The following UNC5C variants were observed in gnomAD, a reference collection of about 807,000 sequenced individuals.
UNC5C encodes unc-5 netrin receptor C.
Under a neutral mutation model 99.8 loss-of-function variants are expected in UNC5C, and 47 were observed. The observed-to-expected ratio is 0.47, with a 90% CI of 0.37 to 0.60. UNC5C has a LOEUF of 0.60. Among genes scored for constraint, UNC5C ranks in the 20% least tolerant of loss-of-function variants. The pLI is 0.00. For synonymous variants in UNC5C, 487 were observed against 452.2 expected (o/e 1.08, Z -0.98); for missense variants, 1,062 against 1,165.9 (o/e 0.91, Z 1.30).
intron 1 of UNC5C, among the ~76,000 whole-genome samples, chr4:95,453,402 A>T (rs191535338): frequency 1.6e-3 from 240 of 152,248 alleles, no homozygotes; most frequent in African/African-American, 5.5e-3. Flanking sequence ...CAATAAGTAT[A>T]TTCTGGAGCC....
chr4:95,264,445 G>A (rs1026330662), intron 4 of UNC5C, among the ~76,000 whole-genome samples: 3 of 152,088 alleles, frequency 2.0e-5, no homozygotes, highest in Admixed American at 2.0e-4. Context: ...CTGAGCAGAT[G>A]GCATATGTCT....
intron 1 of UNC5C, among the ~76,000 whole-genome samples, chr4:95,544,778 TG>T (rs1180413997): frequency 6.6e-6 from 1 of 152,226 alleles, no homozygotes. Context: ...TAAAAAAATA[TG>T]TAGGCTAAAA....
At chr4:95,424,447 G>GT (rs1261921439) in intron 1 of UNC5C, among the ~76,000 whole-genome samples, 5 of 146,788 alleles carry the variant, frequency 3.4e-5, no homozygotes, top group Non-Finnish European at 6.0e-5. Flanking sequence ...CAGCAACATT[G>GT]TAAGTACGGT....
At chr4:95,389,250 A>G (rs1745290443) in intron 1 of UNC5C, among the ~76,000 whole-genome samples, 1 of 152,198 alleles carries the variant, frequency 6.6e-6, no homozygotes, top group South Asian at 2.1e-4. Flanking sequence ...TAACAATCAC[A>G]GTTAAGGCAA....
chr4:95,541,844 T>C (rs1722929618), intron 1 of UNC5C, among the ~76,000 whole-genome samples: 2 of 152,168 alleles, frequency 1.3e-5, no homozygotes, highest in South Asian at 2.1e-4. Context: ...AAACAATAAA[T>C]AAGAATAGAG....
rs1553965986 is a variant in UNC5C, at chr4:95,354,468, C to CATATATATATATAT, written c.125-18838_125-18837insATATATATATATAT. On this transcript the variant is annotated intron_variant, in intron 1 of 15. Coordinates refer to ENST00000453304, the MANE Select transcript of UNC5C (RefSeq NM_003728.4). Reference sequence around the variant, plus strand: ...TCTATCGTATTTTACCTAACTCTTCCATATATATATATTTTTTTTTTTTTT... The same window carrying CATATATATATATAT: ...TCTATCGTATTTTACCTAACTCTTCCATATATATATATATATATATATATATTTTTTTTTTTTTT... Among the ~76,000 whole-genome samples, 180 of 98,216 alleles carry CATATATATATATAT rather than the reference C, an allele frequency of 1.8e-3. 1 individual carries two copies. The highest frequency in any genetic ancestry group is 5.4e-3 in the Admixed American group (55 of 10,160). The allele number at this position is 98,216 out of a possible 152,430, so 64.4% of individuals were successfully genotyped here.
chr4:95,304,135 T>C (rs540112673), intron 2 of UNC5C, among the ~76,000 whole-genome samples: 2 of 152,206 alleles, frequency 1.3e-5, no homozygotes, highest in African/African-American at 4.8e-5. Flanking sequence ...ACTAGCTAAA[T>C]GGTAATGAAG....
At chr4:95,401,521 G>T (rs965780096) in intron 1 of UNC5C, among the ~76,000 whole-genome samples, 1 of 152,028 alleles carries the variant, frequency 6.6e-6, no homozygotes, top group East Asian at 1.9e-4. Flanking sequence ...TGCCCAGGTT[G>T]GTCTTGAACT....
chr4:95,442,873 G>A lies in UNC5C; in HGVS notation c.124+105861C>T, dbSNP rs915854526. Among the ~76,000 whole-genome samples the A allele has an allele frequency of 4.7e-4, 71 of 152,066 alleles. 1 individual carries two copies. Among genetic ancestry groups the A allele is most frequent in the African/African-American group, 1.7e-3 (70 of 41,444 alleles). ...ACATATTCATGCAAATATATGCTAT[G>A]TATGTATGTATAGCTTCTTCTTGTA... On this transcript the variant is annotated intron_variant, in intron 1 of 15. Transcript: ENST00000453304.
chr4:95,288,313 G>T (rs947460925), intron 3 of UNC5C, among the ~76,000 whole-genome samples: 1 of 151,914 alleles, frequency 6.6e-6, no homozygotes, highest in African/African-American at 2.4e-5. Flanking sequence ...TTGATCTCCT[G>T]ACCTTGTGAT....
intron 4 of UNC5C, among the ~76,000 whole-genome samples, chr4:95,271,711 A>G (rs1430654974): frequency 6.6e-6 from 1 of 152,134 alleles, no homozygotes; most frequent in Non-Finnish European, 1.5e-5. Flanking sequence ...TCTAAAATCT[A>G]TTTTCCATGC....
At chr4:95,190,261 G>C (rs996124470) in intron 12 of UNC5C, among the ~76,000 whole-genome samples, 2 of 145,238 alleles carry the variant, frequency 1.4e-5, no homozygotes, top group African/African-American at 5.1e-5. Context: ...AACACCACAT[G>C]TTCTCACTCA....
intron 14 of UNC5C, among the ~76,000 whole-genome samples, chr4:95,174,526 G>T (rs1199642724): frequency 6.6e-6 from 1 of 152,140 alleles, no homozygotes. Context: ...GGAGCAGGTT[G>T]TTCAGTTTCT....
chr4:95,476,862 G>C (rs1748165850), intron 1 of UNC5C, among the ~76,000 whole-genome samples: 1 of 151,994 alleles, frequency 6.6e-6, no homozygotes, highest in Non-Finnish European at 1.5e-5. Flanking sequence ...TAATTCTTCA[G>C]TCACTCATGA....
At chr4:95,195,222 C>T (rs1328311903) in intron 12 of UNC5C, among the ~76,000 whole-genome samples, 1 of 152,152 alleles carries the variant, frequency 6.6e-6, no homozygotes, top group East Asian at 1.9e-4. Flanking sequence ...AAATTACTGT[C>T]CTAAGAGGTC....
chr4:95,365,360 T>C (rs1458124067), intron 1 of UNC5C, among the ~76,000 whole-genome samples: 1 of 147,502 alleles, frequency 6.8e-6, no homozygotes, highest in African/African-American at 2.5e-5. Context: ...TAAAAAATTA[T>C]ATAACATTTA....
chr4:95,452,893 C>G (rs1053836010), intron 1 of UNC5C, among the ~76,000 whole-genome samples: 2 of 152,144 alleles, frequency 1.3e-5, no homozygotes, highest in African/African-American at 4.8e-5. Flanking sequence ...CTTATCTTAT[C>G]CATTGCTGAA....
intron 1 of UNC5C, among the ~76,000 whole-genome samples, chr4:95,545,170 C>T (rs902051606): frequency 3.3e-5 from 5 of 152,094 alleles, no homozygotes; most frequent in Non-Finnish European, 5.9e-5. Flanking sequence ...AGGAGGTGTT[C>T]GAGGACCCTG....
intron 4 of UNC5C, among the ~76,000 whole-genome samples, chr4:95,266,714 T>A (rs1740460465): frequency 6.6e-6 from 1 of 152,226 alleles, no homozygotes. Flanking sequence ...GAGTAGCAAC[T>A]CCAGCATTCA....
Sources: allele counts gnomAD v4.1 joint callset (sites outside exome capture counted in the v4.1 genomes callset), GRCh38; gene constraint gnomAD v4.1.1; transcripts MANE v1.5; gene names NCBI Gene and HGNC (gene_info 2026-07-23, HGNC 2026-07-21).